ALDH1L1: variants seen among roughly 807,000 people sequenced by gnomAD.
ALDH1L1 encodes aldehyde dehydrogenase 1 family member L1, also known as cytosolic 10-formyltetrahydrofolate dehydrogenase.
In ALDH1L1, 68 loss-of-function variants were observed where a neutral mutation model predicts 101.1. The ratio of observed to expected loss-of-function variants is 0.67; its 90% CI spans 0.55 to 0.82. The LOEUF (loss-of-function observed/expected upper bound fraction) is 0.82, where lower values mean the gene tolerates loss of function less well. ALDH1L1 is among the 40% of genes least tolerant of loss of function. The pLI is 0.00. For synonymous variants in ALDH1L1, 486 were observed against 470.8 expected, an observed-to-expected ratio of 1.03 and a Z score of -0.42; for missense variants, 1,087 against 1,172.7, an observed-to-expected ratio of 0.93 and a Z score of 1.07.
At chr3:126,120,122 C>T (rs1016057143) in intron 16 of ALDH1L1, among the ~76,000 whole-genome samples, 1 of 152,224 alleles carries the variant, frequency 6.6e-6, no homozygotes, top group Non-Finnish European at 1.5e-5. Flanking sequence ...AACTGTGCTC[C>T]TTGATATTTA....
In ALDH1L1 at chr3:126,166,223, G is replaced by A. The variant is rs9811749; in HGVS notation, c.-23-5221C>T. On this transcript the variant is annotated intron_variant, in intron 1 of 22. Transcript: ENST00000393434. The stretch of plus-strand genomic sequence containing the variant: ...ACCTCCCCTGCCATTCTCCCTCTCC[G>A]GGAAGTGGCCAGGGTTAAAGGCATT... Among the ~76,000 whole-genome samples the A allele has an allele frequency of 3.3e-3, 503 of 152,130 alleles. 2 individuals are homozygous for A. The highest frequency in any genetic ancestry group is 0.012 in the African/African-American group (485 of 41,484).
intron 13 of ALDH1L1, 143 bp downstream of exon 13, chr3:126,131,241 A>C: frequency 9.0e-7 from 1 of 1,113,532 alleles, no homozygotes; most frequent in Non-Finnish European, 1.2e-6. Context: ...CAGGACCACA[A>C]GCTAATAAAC....
chr3:126,133,420 T>C (rs188795706), intron 12 of ALDH1L1, among the ~76,000 whole-genome samples: 37 of 152,278 alleles, frequency 2.4e-4, no homozygotes, highest in Non-Finnish European at 4.0e-4. Flanking sequence ...CACTAAAGCT[T>C]GTGGTGTGCC....
chr3:126,158,408 T>C lies in ALDH1L1; in HGVS notation c.359A>G (p.Asn120Ser). 1 of 1,587,944 alleles carries C rather than the reference T, an allele frequency of 6.3e-7. No homozygotes were observed. Among genetic ancestry groups the C allele is most frequent in the South Asian group, 1.1e-5 (1 of 88,584 alleles). Reference sequence around the variant, plus strand: ...CTGTGTTTTTGCCCCATCTCACCAGTTGATGGCCGAGGCCCCTCGGTGCCT... The same window carrying C: ...CTGTGTTTTTGCCCCATCTCACCAGCTGATGGCCGAGGCCCCTCGGTGCCT... Reference protein sequence around the residue: ...LPRHRGASAINWTLIHGDKKG... With the variant: ...LPRHRGASAISWTLIHGDKKG... The change falls in exon 3 of 23, where the codon AAC becomes AGC. Residue 120 changes from asparagine (N) to serine (S), a missense_variant. Physicochemically the swap from Asn to Ser is conservative, Grantham distance 46. Coordinates refer to ENST00000393434, the MANE Select transcript of ALDH1L1 (RefSeq NM_012190.4).
At chr3:126,106,178 A>G (rs1945863749) in intron 21 of ALDH1L1, among the ~76,000 whole-genome samples, 1 of 152,178 alleles carries the variant, frequency 6.6e-6, no homozygotes, top group African/African-American at 2.4e-5. Context: ...ACAGACTGGG[A>G]GCAGGGGCCC....
intron 9 of ALDH1L1, 65 bp from the exon 10 acceptor site, chr3:126,138,025 C>T (rs1287062931): frequency 7.5e-6 from 12 of 1,590,762 alleles, no homozygotes; most frequent in Admixed American, 1.7e-5. Flanking sequence ...TCGCTAGCAG[C>T]AGTGGCAGTG....
intron 1 of ALDH1L1, among the ~76,000 whole-genome samples, chr3:126,170,246 A>AACTG (rs1052980953): frequency 6.6e-6 from 1 of 152,090 alleles, no homozygotes; most frequent in African/African-American, 2.4e-5. Flanking sequence ...CCCTCGCGGG[A>AACTG]ACTGCTGTAC....
At chr3:126,185,266 G>A (rs1224178571), upstream of ALDH1L1, among the ~76,000 whole-genome samples, 1 of 152,208 alleles carries the variant, frequency 6.6e-6, no homozygotes, top group Non-Finnish European at 1.5e-5. Context: ...GCACCCCCAT[G>A]CAAACTGGCT....
Position 126,130,309 on chromosome 3 carries a change from G to C in ALDH1L1, c.1624-16C>G. The C allele has an allele frequency of 3.1e-6, 5 of 1,598,238 alleles. No homozygotes were observed. The highest frequency in any genetic ancestry group is 3.4e-6 in the Non-Finnish European group (4 of 1,172,204). On this transcript the variant is annotated splice_polypyrimidine_tract_variant and intron_variant, in intron 13 of 22. Coordinates refer to ENST00000393434, the MANE Select transcript of ALDH1L1 (RefSeq NM_012190.4). ...TGGTGGAGCCCTGGAAGAGGAACAGGGGCAGTCACCCAGGGGCCCAGGGTC... is the reference window on the plus strand; with the variant it reads ...TGGTGGAGCCCTGGAAGAGGAACAGCGGCAGTCACCCAGGGGCCCAGGGTC...
chr3:126,120,631 T>C (rs1576424278), intron 16 of ALDH1L1, among the ~76,000 whole-genome samples: 1 of 152,196 alleles, frequency 6.6e-6, no homozygotes, highest in African/African-American at 2.4e-5. Flanking sequence ...ATGTAGGTCA[T>C]TGTTTGTAAC....
chr3:126,193,678 T>C (rs2081565996), intron 1 of ALDH1L1, among the ~76,000 whole-genome samples: 5 of 152,170 alleles, frequency 3.3e-5, no homozygotes, highest in Admixed American at 3.3e-4. Context: ...AGAGTTATAT[T>C]CTCTTGAATA....
At chr3:126,140,121 T>C (rs1247681790) in intron 9 of ALDH1L1, among the ~76,000 whole-genome samples, 27 of 152,134 alleles carry the variant, frequency 1.8e-4, no homozygotes, top group Non-Finnish European at 4.4e-5. Flanking sequence ...ACCCAGCTTG[T>C]TGAAATTCAG....
chr3:126,151,796 G>C (rs1038455037), intron 7 of ALDH1L1: 1 of 157,986 alleles, frequency 6.3e-6, no homozygotes, highest in African/African-American at 2.4e-5. Context: ...GTGGCTGAGA[G>C]ATGCTTCAAC....
At chr3:126,193,092 AG>A (rs1230090087) in intron 1 of ALDH1L1, among the ~76,000 whole-genome samples, 2 of 152,176 alleles carry the variant, frequency 1.3e-5, no homozygotes, top group Non-Finnish European at 2.9e-5. Context: ...CATACTCCTA[AG>A]TTAGGTTTTC....
At chr3:126,144,872 G>A (rs1014525382) in intron 9 of ALDH1L1, among the ~76,000 whole-genome samples, 1 of 152,172 alleles carries the variant, frequency 6.6e-6, no homozygotes, top group Non-Finnish European at 1.5e-5. Flanking sequence ...AAAAGCTTCT[G>A]CAAAGCAAAG....
At position 126,109,928 on chromosome 3, in the gene ALDH1L1, A is replaced by T; in HGVS notation, c.2347+16T>A. On this transcript the variant is annotated intron_variant, in intron 20 of 22. Coordinates refer to ENST00000393434, the MANE Select transcript of ALDH1L1 (RefSeq NM_012190.4). ...GCCTCAATTGACCCAAGCGGACCTGACACACTCTGACTCACCTGGCCGAGG... is the reference window on the plus strand; with the variant it reads ...GCCTCAATTGACCCAAGCGGACCTGTCACACTCTGACTCACCTGGCCGAGG... 2 of 1,613,040 alleles carry T rather than the reference A, an allele frequency of 1.2e-6. No individual in the cohort carries two copies. The highest frequency in any genetic ancestry group is 1.1e-5 in the South Asian group (1 of 91,060).
upstream of ALDH1L1, chr3:126,181,072 C>T (rs2081468625): frequency 1.4e-6 from 2 of 1,445,486 alleles, no homozygotes; most frequent in South Asian, 1.2e-5. Context: ...TGGATAGCGG[C>T]GCTTCTGCCC....
intron 1 of ALDH1L1, among the ~76,000 whole-genome samples, chr3:126,188,629 C>T (rs567338424): frequency 5.3e-5 from 8 of 152,098 alleles, no homozygotes; most frequent in Non-Finnish European, 8.8e-5. Context: ...TCCCACTTAC[C>T]GTCATTTTAG....
chr3:126,107,205 G>A lies in ALDH1L1; in HGVS notation c.2389C>T (p.His797Tyr), dbSNP rs376345223. 6.8e-6 allele frequency: 11 copies of A among 1,614,044 alleles called. No individual in the cohort carries two copies. The highest frequency in any genetic ancestry group is 1.3e-5 in the African/African-American group (1 of 74,942). Residue 797 changes from histidine to tyrosine, a missense_variant, in exon 21 of 23, where the codon CAC (histidine) becomes TAC (tyrosine). Physicochemically the swap from His to Tyr is moderately conservative, Grantham distance 83 (BLOSUM62 2). Coordinates refer to ENST00000393434, the MANE Select transcript of ALDH1L1 (RefSeq NM_012190.4). The part of the protein sequence containing the change: ...EPTVFTDVED[H>Y]MFIAKEESFG... ...GACTCCTCCTTGGCTATGAACATGT[G>A]GTCTTCCACGTCTGTGAAAACAGTT...
Sources: gnomAD v4.1 joint callset for allele counts (sites outside exome capture counted in the v4.1 genomes callset) on GRCh38, gnomAD v4.1.1 for gene constraint, MANE v1.5 for transcripts, NCBI Gene and HGNC (gene_info 2026-07-23, HGNC 2026-07-21) for gene names.